The following RTF2 variants were observed in gnomAD, a reference collection of about 807,000 sequenced individuals.
RTF2 encodes replication termination factor 2, also known as UPF0549 protein C20orf43.
RTF2 carries 18 observed loss-of-function variants against 38.0 expected under a neutral mutation model. The observed-to-expected ratio is 0.47, with a 90% CI of 0.33 to 0.70. The LOEUF (loss-of-function observed/expected upper bound fraction) is 0.70, where lower values mean the gene tolerates loss of function less well. Ranked by LOEUF, RTF2 falls within the 30% of genes least tolerant of loss-of-function variation. The probability of loss-of-function intolerance (pLI) is 0.02; values close to 1 mark genes in which losing one functional copy is unlikely to be tolerated. For synonymous variants in RTF2, 126 were observed against 137.1 expected (o/e 0.92, Z 0.57); for missense variants, 311 against 379.6 (o/e 0.82, Z 1.50).
intron 4 of RTF2, among the ~76,000 whole-genome samples, chr20:56,481,964 G>A (rs1000990926): frequency 2.0e-5 from 3 of 152,192 alleles, no homozygotes; most frequent in Non-Finnish European, 4.4e-5. Context: ...TAGCAGAAAC[G>A]AGCTCCACAA....
intron 5 of RTF2, among the ~76,000 whole-genome samples, chr20:56,487,462 C>T (rs904838101): frequency 1.3e-5 from 2 of 152,212 alleles, no homozygotes; most frequent in African/African-American, 2.4e-5. Flanking sequence ...CCCGGCTCCT[C>T]GTGGAGGCCA....
intron 5 of RTF2, among the ~76,000 whole-genome samples, chr20:56,496,345 C>G (rs1983529932): frequency 6.6e-6 from 1 of 152,146 alleles, no homozygotes; most frequent in Non-Finnish European, 1.5e-5. Context: ...ATCGGGAGTT[C>G]CAGACCAGCC....
chr20:56,493,614 C>T (rs2146340528), intron 5 of RTF2, among the ~76,000 whole-genome samples: 1 of 150,730 alleles, frequency 6.6e-6, no homozygotes, highest in South Asian at 2.1e-4. Context: ...TATGATCATA[C>T]CACCTGCACT....
intron 5 of RTF2, among the ~76,000 whole-genome samples, chr20:56,510,136 G>A (rs1045660190): frequency 1.3e-5 from 2 of 152,172 alleles, no homozygotes; most frequent in African/African-American, 4.8e-5. Flanking sequence ...ATTTCTGTTG[G>A]AAGTGATAAA....
intron 4 of RTF2, among the ~76,000 whole-genome samples, chr20:56,480,302 C>G (rs1199509057): frequency 2.0e-5 from 3 of 152,158 alleles, no homozygotes; most frequent in African/African-American, 7.2e-5. Context: ...CAACTTCTTC[C>G]AGTTTCCACC....
intron 5 of RTF2, chr20:56,495,216 T>A (rs1353365537): frequency 4.5e-6 from 7 of 1,551,182 alleles, no homozygotes; most frequent in Non-Finnish European, 6.1e-6. Flanking sequence ...ACATCCATCA[T>A]GAACATTTCC....
intron 8 of RTF2, among the ~76,000 whole-genome samples, chr20:56,517,448 G>A (rs1202877714): frequency 6.6e-6 from 1 of 152,170 alleles, no homozygotes; most frequent in Non-Finnish European, 1.5e-5. Context: ...TGTCGAGTAA[G>A]TGCTTGGTGC....
intron 6 of RTF2, among the ~76,000 whole-genome samples, chr20:56,515,035 TAAA>T (rs577137134): frequency 3.2e-5 from 4 of 124,070 alleles, no homozygotes; most frequent in Non-Finnish European, 6.9e-5. Context: ...AGACTCCCTC[TAAA>T]AAAAAAAAAA....
At chr20:56,497,436 T>C in intron 5 of RTF2, 1 of 1,541,952 alleles carries the variant, frequency 6.5e-7, no homozygotes. Flanking sequence ...CCCTTTCCCT[T>C]CAAATAAAGC....
At chr20:56,494,809 A>G (rs2146342502) in intron 5 of RTF2, among the ~76,000 whole-genome samples, 1 of 152,292 alleles carries the variant, frequency 6.6e-6, no homozygotes, top group South Asian at 2.1e-4. Flanking sequence ...AACCTAGTTT[A>G]TTTTTAATAT....
intron 5 of RTF2, among the ~76,000 whole-genome samples, chr20:56,496,203 T>G (rs1983515228): frequency 6.6e-6 from 1 of 152,124 alleles, no homozygotes; most frequent in African/African-American, 2.4e-5. Flanking sequence ...ATGTAGAACA[T>G]TTACAAGGCC....
chr20:56,470,957 C>T (rs1025921039), intron 1 of RTF2: 19 of 239,506 alleles, frequency 7.9e-5, no homozygotes, highest in Non-Finnish European at 1.5e-4. Context: ...TAAACTCTTT[C>T]CCCATATCTG....
rs1364631489 is a variant in RTF2, at chr20:56,500,545, G to A, written c.478-12770G>A. 3.9e-5 allele frequency among the ~76,000 whole-genome samples: 6 copies of A among 152,272 alleles called. No homozygotes were observed. In the East Asian group the frequency reaches 1.2e-3, roughly 29 times the overall value. ...CCCCAAGGGTAGCCATTGTCCTTTG[G>A]GAAAATACCCAGGCTAAGAGTTTTT... On this transcript the variant is annotated intron_variant, in intron 5 of 8. Coordinates refer to ENST00000357348, the MANE Select transcript of RTF2 (RefSeq NM_016407.5).
intron 4 of RTF2, among the ~76,000 whole-genome samples, chr20:56,480,854 C>A (rs1323189184): frequency 6.6e-6 from 1 of 152,154 alleles, no homozygotes; most frequent in Admixed American, 6.5e-5. Flanking sequence ...TTGTTCCTGG[C>A]ACCCCAAAAC....
chr20:56,490,832 A>ATAAC (rs1364526458), intron 5 of RTF2, among the ~76,000 whole-genome samples: 1 of 152,230 alleles, frequency 6.6e-6, no homozygotes, highest in East Asian at 1.9e-4. Context: ...AAATAAATAA[A>ATAAC]TAAAGGTAAC....
At position 56,468,656 on chromosome 20, in the gene RTF2, C is replaced by G. The variant is rs767815369; in HGVS notation, c.-42C>G. Reference sequence around the variant, plus strand: ...ATTTCGCCGGAAATCCCGGAAGTGACAGCTTTGGGGGTTTGCTGCTGGCTC... The same window carrying G: ...ATTTCGCCGGAAATCCCGGAAGTGAGAGCTTTGGGGGTTTGCTGCTGGCTC... On this transcript the variant is annotated 5_prime_UTR_variant, in exon 1 of 9. Coordinates refer to ENST00000357348, the MANE Select transcript of RTF2 (RefSeq NM_016407.5). 5.0e-5 allele frequency: 76 copies of G among 1,534,566 alleles called. No individual in the cohort carries two copies. The highest frequency in any genetic ancestry group is 6.1e-5 in the Non-Finnish European group (69 of 1,131,782).
Position 56,499,509 on chromosome 20 carries a change from C to T in RTF2, c.478-13806C>T, listed in dbSNP as rs557795091. Among the ~76,000 whole-genome samples, 3 of 152,082 alleles carry T rather than the reference C, an allele frequency of 2.0e-5. No homozygotes were observed. The East Asian group carries it at 5.8e-4, about 29-fold the overall frequency. ...CTTATGTTTATAAACATGAAACCAT[C>T]ATAATTTATACATTTTATATGAGAT... On this transcript the variant is annotated intron_variant, in intron 5 of 8. Transcript: ENST00000357348.
intron 4 of RTF2, among the ~76,000 whole-genome samples, chr20:56,481,595 ATG>A (rs1982527699): frequency 6.6e-6 from 1 of 152,128 alleles, no homozygotes; most frequent in East Asian, 1.9e-4. Context: ...ATGTGTGTGT[ATG>A]TGTGTGTGTT....
chr20:56,488,696 G>A (rs1324235388), intron 5 of RTF2, among the ~76,000 whole-genome samples: 1 of 152,226 alleles, frequency 6.6e-6, no homozygotes, highest in Non-Finnish European at 1.5e-5. Flanking sequence ...CAAGGAATCA[G>A]ATAAGACACA....
Sources: allele counts gnomAD v4.1 joint callset (sites outside exome capture counted in the v4.1 genomes callset), GRCh38; gene constraint gnomAD v4.1.1; transcripts MANE v1.5; gene names NCBI Gene and HGNC (gene_info 2026-07-23, HGNC 2026-07-21).